PAK6: variants seen among roughly 807,000 people sequenced by gnomAD.
PAK6 encodes p21 (RAC1) activated kinase 6.
PAK6 carries 33 observed loss-of-function variants against 60.8 expected under a neutral mutation model. The observed-to-expected ratio is 0.54, with a 90% confidence interval of 0.41 to 0.73. The LOEUF (loss-of-function observed/expected upper bound fraction) is 0.73, where lower values mean the gene tolerates loss of function less well. Ranked by LOEUF, PAK6 falls within the 30% of genes least tolerant of loss-of-function variation. PAK6 has a pLI of 0.00. For missense variants in PAK6, 845 were observed against 904.1 expected (o/e 0.93, Z 0.84); for synonymous variants, 404 against 378.5 (o/e 1.07, Z -0.78).
intron 3 of PAK6, among the ~76,000 whole-genome samples, chr15:40,255,237 C>CGTGACTG (rs1566847251): frequency 3.3e-5 from 5 of 152,166 alleles, no homozygotes; most frequent in African/African-American, 1.2e-4. Context: ...CCTGTTGACA[C>CGTGACTG]AAGTGACTGA....
intron 9 of PAK6, 49 bp downstream of exon 9, chr15:40,273,725 T>G: frequency 6.3e-7 from 1 of 1,599,430 alleles, no homozygotes; most frequent in African/African-American, 1.3e-5. Flanking sequence ...ACTTGGCAAC[T>G]GGCAGCTCTT....
At chr15:40,273,887 G>A (rs1267100324) in intron 9 of PAK6, 1 of 685,660 alleles carries the variant, frequency 1.5e-6, no homozygotes. Flanking sequence ...TCAGCTCAAG[G>A]GCAGAATGGG....
intron 3 of PAK6, among the ~76,000 whole-genome samples, chr15:40,262,937 A>T (rs2039021530): frequency 6.6e-6 from 1 of 152,202 alleles, no homozygotes; most frequent in Admixed American, 6.5e-5. Flanking sequence ...AGGTTGTTTT[A>T]TTCCAAAGGG....
chr15:40,271,455 G>A (rs1381086596), intron 5 of PAK6, among the ~76,000 whole-genome samples: 1 of 152,156 alleles, frequency 6.6e-6, no homozygotes, highest in Non-Finnish European at 1.5e-5. Flanking sequence ...CAGGGAGGAA[G>A]TGGAAGGACT....
intron 2 of PAK6, chr15:40,246,832 T>A (rs2038508471): frequency 6.6e-6 from 1 of 152,376 alleles, no homozygotes; most frequent in South Asian, 2.1e-4. Flanking sequence ...AGACAGGTCA[T>A]GCCTTCTGAC....
chr15:40,271,310 C>T (rs1411548194), intron 5 of PAK6, among the ~76,000 whole-genome samples: 3 of 152,212 alleles, frequency 2.0e-5, no homozygotes, highest in Non-Finnish European at 4.4e-5. Flanking sequence ...AGGGCTGGGC[C>T]TGAGCAGGGC....
At chr15:40,262,622 T>C (rs1280614648) in intron 3 of PAK6, among the ~76,000 whole-genome samples, 1 of 152,230 alleles carries the variant, frequency 6.6e-6, no homozygotes, top group African/African-American at 2.4e-5. Context: ...CCCAGACCCC[T>C]GACATCAGGC....
chr15:40,276,119 C>T (rs1595608797), exon 11 of PAK6: 2 of 1,609,208 alleles, frequency 1.2e-6, no homozygotes, highest in African/African-American at 2.7e-5. Flanking sequence ...TGCCTGCCAC[C>T]TACGCCCACA....
At chr15:40,241,933 C>A (rs1316769524) in intron 2 of PAK6, among the ~76,000 whole-genome samples, 3 of 152,218 alleles carry the variant, frequency 2.0e-5, no homozygotes, top group Non-Finnish European at 2.9e-5. Flanking sequence ...AGGAGAATGA[C>A]CCAGCTGTGG....
exon 6 of PAK6, chr15:40,272,298 G>A (rs149513654): frequency 1.4e-4 from 225 of 1,613,852 alleles, no homozygotes; most frequent in Non-Finnish European, 1.8e-4. Flanking sequence ...CCTTGCCCTC[G>A]GACCAGCCGG....
chr15:40,242,290 C>A (rs1466750065), intron 2 of PAK6, among the ~76,000 whole-genome samples: 3 of 152,338 alleles, frequency 2.0e-5, no homozygotes, highest in East Asian at 3.9e-4. Context: ...GAATTCCTCA[C>A]CCAAATGGCC....
At chr15:40,266,159 T>A (rs1401381352) in exon 5 of PAK6, 1 of 1,608,968 alleles carries the variant, frequency 6.2e-7, no homozygotes, top group African/African-American at 1.3e-5. Context: ...ATGGGCTGGC[T>A]GCAAAGGCAC....
At chr15:40,272,343 C>G in exon 6 of PAK6, 1 of 1,613,862 alleles carries the variant, frequency 6.2e-7, no homozygotes, top group African/African-American at 1.3e-5. Flanking sequence ...CTTCGGATAC[C>G]AGCAGCCCCC....
At chr15:40,264,868 C>A in exon 4 of PAK6, 1 of 1,614,018 alleles carries the variant, frequency 6.2e-7, no homozygotes, top group Non-Finnish European at 8.5e-7. Flanking sequence ...TCCTTCGACC[C>A]CAAAGAAGGC....
intron 3 of PAK6, among the ~76,000 whole-genome samples, chr15:40,255,472 C>T (rs955440018): frequency 6.6e-5 from 10 of 152,230 alleles, no homozygotes; most frequent in African/African-American, 2.2e-4. Flanking sequence ...CCTCTCCGCA[C>T]TTCAGCACAC....
exon 10 of PAK6, chr15:40,274,188 G>A (rs754433688): frequency 6.2e-7 from 1 of 1,613,964 alleles, no homozygotes; most frequent in South Asian, 1.1e-5. Context: ...ATGGTAGATG[G>A]GGAGCCACCG....
At chr15:40,261,928 T>C (rs913018221) in intron 3 of PAK6, among the ~76,000 whole-genome samples, 1 of 152,086 alleles carries the variant, frequency 6.6e-6, no homozygotes, top group African/African-American at 2.4e-5. Context: ...ACTATTAGAA[T>C]GGACTCAAGA....
At chr15:40,263,842 C>T in intron 3 of PAK6, 1 of 451,270 alleles carries the variant, frequency 2.2e-6, no homozygotes, top group Non-Finnish European at 4.5e-6. Context: ...GTCTCAAACT[C>T]CTGACCTCAG....
exon 11 of PAK6, chr15:40,276,157 C>T: frequency 2.0e-6 from 3 of 1,505,168 alleles, no homozygotes; most frequent in Non-Finnish European, 9.2e-7. Context: ...AGCCAGCCTG[C>T]CGGCAGGACT....
Sources: allele counts gnomAD v4.1 joint callset (sites outside exome capture counted in the v4.1 genomes callset), GRCh38; gene constraint gnomAD v4.1.1; transcripts MANE v1.5; gene names NCBI Gene and HGNC (gene_info 2026-07-23, HGNC 2026-07-21).